RBFOX1: variants seen among roughly 807,000 people sequenced by gnomAD.
RBFOX1 encodes the protein RNA binding fox-1 homolog 1, also known as RNA binding protein fox-1 homolog 1.
Under a neutral mutation model 57.7 loss-of-function variants are expected in RBFOX1, and 8 were observed. The observed-to-expected ratio is 0.14, with a 90% confidence interval of 0.08 to 0.25. The LOEUF (loss-of-function observed/expected upper bound fraction) is 0.25, where lower values mean the gene tolerates loss of function less well. Among genes scored for constraint, RBFOX1 ranks in the 10% least tolerant of loss-of-function variants. RBFOX1 has a pLI of 1.00. For missense variants in RBFOX1, 611 were observed against 548.5 expected (o/e 1.11, Z -1.14); for synonymous variants, 326 against 222.4 (o/e 1.47, Z -4.15).
intron 2 of RBFOX1, among the ~76,000 whole-genome samples, chr16:6,415,422 G>T (rs531454205): frequency 6.6e-6 from 1 of 151,906 alleles, no homozygotes; most frequent in East Asian, 2.0e-4. Context: ...TGGGCCGGGC[G>T]TGGTGGCTCA....
chr16:5,447,642 C>T (rs965191977), intron 1 of RBFOX1, among the ~76,000 whole-genome samples: 9 of 152,254 alleles, frequency 5.9e-5, no homozygotes, highest in African/African-American at 1.4e-4. Context: ...GTGATCTGCC[C>T]GCCTCAGCCT....
intron 1 of RBFOX1, among the ~76,000 whole-genome samples, chr16:6,314,470 G>A (rs1437413372): frequency 6.6e-6 from 1 of 152,192 alleles, no homozygotes; most frequent in African/African-American, 2.4e-5. Flanking sequence ...GCACGCTTGG[G>A]TAGATGTTCA....
rs187858056 is a variant in RBFOX1, at chr16:7,113,650, C to T, written c.27+61552C>T. On this transcript the variant is annotated intron_variant, in intron 4 of 15. Transcript: ENST00000550418. Reference sequence around the variant, plus strand: ...TACACAGTGTCTTCTGACTCAATATCCTTCCACCCAAGAAACACATCTTGG... The same window carrying T: ...TACACAGTGTCTTCTGACTCAATATTCTTCCACCCAAGAAACACATCTTGG... Among the ~76,000 whole-genome samples, 13 of 152,266 alleles carry T rather than the reference C, an allele frequency of 8.5e-5. No homozygotes were observed. The South Asian group carries it at 1.0e-3, about 12-fold the overall frequency.
At chr16:5,864,075 CCCCATTGTGTATTGTT>C (rs2057288733) in intron 3 of RBFOX1, among the ~76,000 whole-genome samples, 1 of 152,174 alleles carries the variant, frequency 6.6e-6, no homozygotes, top group South Asian at 2.1e-4. Context: ...CTCCAGAAGG[CCCCATTGTGTATTGTT>C]CCTTTCTATG....
chr16:7,399,917 A>G (rs748634509), intron 4 of RBFOX1, among the ~76,000 whole-genome samples: 1 of 152,184 alleles, frequency 6.6e-6, no homozygotes, highest in Non-Finnish European at 1.5e-5. Flanking sequence ...ATTCAACAAC[A>G]CAAAGCTAAC....
intron 3 of RBFOX1, among the ~76,000 whole-genome samples, chr16:6,867,836 A>G (rs2060205568): frequency 6.6e-6 from 1 of 152,180 alleles, no homozygotes; most frequent in Non-Finnish European, 1.5e-5. Flanking sequence ...AATTATTGAC[A>G]TCCCCCTTTC....
intron 2 of RBFOX1, among the ~76,000 whole-genome samples, chr16:6,499,229 A>G (rs2153170170): frequency 6.6e-6 from 1 of 152,308 alleles, no homozygotes; most frequent in Middle Eastern, 3.4e-3. Context: ...TCCATTCTTC[A>G]AAATGATATG....
At chr16:6,770,445 C>A (rs907931763) in intron 3 of RBFOX1, among the ~76,000 whole-genome samples, 1 of 152,198 alleles carries the variant, frequency 6.6e-6, no homozygotes, top group African/African-American at 2.4e-5. Flanking sequence ...TGCACCTATG[C>A]AAGCATATAT....
intron 2 of RBFOX1, among the ~76,000 whole-genome samples, chr16:6,361,132 C>A (rs2088416941): frequency 6.6e-6 from 1 of 152,026 alleles, no homozygotes; most frequent in Non-Finnish European, 1.5e-5. Flanking sequence ...GTAATATGGG[C>A]AAAGTAACGA....
In RBFOX1 at chr16:5,671,845, G is replaced by A. The variant is rs575061950; in HGVS notation, c.318+72884G>A. Among the ~76,000 whole-genome samples, 6 of 152,302 alleles carry A rather than the reference G, an allele frequency of 3.9e-5. No homozygotes were observed. In the East Asian group the frequency reaches 1.2e-3, roughly 29 times the overall value. ...TTCAAATTATATCTCCATCCAAGTTGCAGTGTGAGCTGGGGGTTGAAGGAT... is the reference window on the plus strand; with the variant it reads ...TTCAAATTATATCTCCATCCAAGTTACAGTGTGAGCTGGGGGTTGAAGGAT... On this transcript the variant is annotated intron_variant, in intron 3 of 19. Transcript: ENST00000641259.
chr16:5,862,968 A>G (rs1322469816), intron 3 of RBFOX1, among the ~76,000 whole-genome samples: 1 of 152,106 alleles, frequency 6.6e-6, no homozygotes, highest in Non-Finnish European at 1.5e-5. Context: ...CAGTCCGGAC[A>G]TCTCCTGATG....
intron 3 of RBFOX1, among the ~76,000 whole-genome samples, chr16:5,782,831 G>C (rs1489039040): frequency 6.6e-6 from 1 of 152,214 alleles, no homozygotes; most frequent in Non-Finnish European, 1.5e-5. Context: ...GTAAATCCCA[G>C]TTGGAGGGTA....
chr16:7,425,483 A>T (rs1206110855), intron 4 of RBFOX1, among the ~76,000 whole-genome samples: 4 of 152,154 alleles, frequency 2.6e-5, no homozygotes, highest in African/African-American at 4.8e-5. Flanking sequence ...AAGGACTTAA[A>T]ATTACATTTA....
At chr16:5,839,751 C>T (rs1409845957) in intron 3 of RBFOX1, among the ~76,000 whole-genome samples, 1 of 152,298 alleles carries the variant, frequency 6.6e-6, no homozygotes, top group African/African-American at 2.4e-5. Context: ...GCATCACAAC[C>T]TCCCACTGTG....
In RBFOX1 at chr16:5,527,342, C is replaced by T. The variant is rs756097128; in HGVS notation, c.258+60088C>T. Among the ~76,000 whole-genome samples, 4 of 152,264 alleles carry T rather than the reference C, an allele frequency of 2.6e-5. No homozygotes were observed. The East Asian group carries it at 5.8e-4, about 22-fold the overall frequency. ...GCAAGGAACACTGGGAAATGGAGTT[C>T]GTAGACTCCTCCCCCATACAGCGTC... On this transcript the variant is annotated intron_variant, in intron 2 of 2. Transcript: ENST00000585867.
intron 2 of RBFOX1, among the ~76,000 whole-genome samples, chr16:6,575,862 A>AAAAGAAAT (rs1555568321): frequency 6.9e-6 from 1 of 145,444 alleles, no homozygotes; most frequent in Non-Finnish European, 1.5e-5. Context: ...ATCTCAATAA[A>AAAAGAAAT]AAATAAATAA....
At chr16:6,695,762 C>T (rs113540161) in intron 3 of RBFOX1, among the ~76,000 whole-genome samples, 5 of 152,268 alleles carry the variant, frequency 3.3e-5, no homozygotes, top group African/African-American at 1.2e-4. Context: ...CTCTGTACTT[C>T]TTGTAGCAAA....
At chr16:5,285,052 T>A (rs1174787391) in intron 1 of RBFOX1, among the ~76,000 whole-genome samples, 3 of 152,158 alleles carry the variant, frequency 2.0e-5, no homozygotes, top group Non-Finnish European at 4.4e-5. Context: ...AAATAGGTTT[T>A]CTATGCCTTT....
intron 9 of RBFOX1, among the ~76,000 whole-genome samples, chr16:7,605,601 T>A (rs956160714): frequency 6.6e-6 from 1 of 152,180 alleles, no homozygotes; most frequent in Non-Finnish European, 1.5e-5. Flanking sequence ...TGAGCCTCTG[T>A]TTTCCTTAGT....
Sources: gnomAD v4.1 joint callset for allele counts (sites outside exome capture counted in the v4.1 genomes callset) on GRCh38, gnomAD v4.1.1 for gene constraint, MANE v1.5 for transcripts, NCBI Gene and HGNC (gene_info 2026-07-23, HGNC 2026-07-21) for gene names.